Variants in AGK observed in about 807,000 individuals in gnomAD.
The protein encoded by AGK is acylglycerol kinase, mitochondrial.
In AGK, 52 loss-of-function variants were observed where a neutral mutation model predicts 66.4. The ratio of observed to expected loss-of-function variants is 0.78; its 90% CI spans 0.63 to 0.99. AGK has a LOEUF of 0.99. AGK is among the 50% of genes least tolerant of loss of function. The pLI is 0.00. For missense variants in AGK, 451 were observed against 506.6 expected (o/e 0.89, Z 1.05); for synonymous variants, 182 against 181.1 (o/e 1.00, Z -0.04).
At chr7:141,630,184 A>G (rs1797026017) in intron 9 of AGK, among the ~76,000 whole-genome samples, 1 of 152,206 alleles carries the variant, frequency 6.6e-6, no homozygotes, top group South Asian at 2.1e-4. Context: ...TGCTAAAGAC[A>G]TATACTGTTA....
chr7:141,579,421 G>A (rs1795833276), intron 2 of AGK, among the ~76,000 whole-genome samples: 1 of 144,796 alleles, frequency 6.9e-6, no homozygotes, highest in Admixed American at 6.9e-5. Context: ...AGGCCAAACC[G>A]AGGAATTAAG....
chr7:141,638,675 CA>C (rs1379389292), intron 11 of AGK, among the ~76,000 whole-genome samples: 1 of 152,006 alleles, frequency 6.6e-6, no homozygotes, highest in Non-Finnish European at 1.5e-5. Context: ...GTTAGAACCT[CA>C]AAAGTCAGAA....
At position 141,649,337 on chromosome 7, in the gene AGK, A is replaced by G. The variant is rs1021567850; in HGVS notation, c.1046+4A>G. 1.2e-6 allele frequency: 2 copies of G among 1,605,830 alleles called. No homozygotes were observed. Among genetic ancestry groups the G allele is most frequent in the Non-Finnish European group, 8.5e-7 (1 of 1,172,966 alleles). ...AAGGAGACTTTATAACTATAGGGTAAGTGGACTGGGGTTCACAGGAAATGA... is the reference window on the plus strand; with the variant it reads ...AAGGAGACTTTATAACTATAGGGTAGGTGGACTGGGGTTCACAGGAAATGA... On this transcript the variant is annotated splice_donor_region_variant and intron_variant, in intron 14 of 15. Transcript: ENST00000649286.
intron 11 of AGK, among the ~76,000 whole-genome samples, chr7:141,637,771 TATAAA>T (rs1797205432): frequency 6.6e-6 from 1 of 152,210 alleles, no homozygotes. Context: ...TTTTTCTAAT[TATAAA>T]AGTAATACAT....
At chr7:141,622,535 G>A (rs954057418) in intron 9 of AGK, among the ~76,000 whole-genome samples, 5 of 152,024 alleles carry the variant, frequency 3.3e-5, no homozygotes, top group Admixed American at 1.3e-4. Flanking sequence ...ATCTGCTATC[G>A]GTGATCTTTG....
chr7:141,570,627 C>CTT (rs768438918), intron 2 of AGK, among the ~76,000 whole-genome samples: 2 of 144,504 alleles, frequency 1.4e-5, no homozygotes, highest in African/African-American at 2.5e-5. Context: ...ATGTCCTCTA[C>CTT]TTTTTTTTTT....
intron 14 of AGK, among the ~76,000 whole-genome samples, 180 bp downstream of exon 14, chr7:141,649,513 C>T (rs1223430241): frequency 6.6e-6 from 1 of 152,226 alleles, no homozygotes; most frequent in African/African-American, 2.4e-5. Flanking sequence ...TGCTGGCCAT[C>T]ACTGTTCATT....
intron 6 of AGK, 27 bp from the exon 7 acceptor site, chr7:141,614,118 TA>T: frequency 6.8e-7 from 1 of 1,461,948 alleles, no homozygotes; most frequent in Non-Finnish European, 9.5e-7. Flanking sequence ...ATATTATTTA[TA>T]ACAATGTTTT....
chr7:141,572,811 G>T lies in AGK; in HGVS notation c.101+17244G>T, dbSNP rs548832627. Among the ~76,000 whole-genome samples the T allele has an allele frequency of 2.0e-5, 3 of 152,180 alleles. No homozygotes were observed. In the South Asian group the frequency reaches 6.2e-4, roughly 32 times the overall value. ...GAAACCCCGACAGGCTATGGGGGGG[G>T]GAAATGTGTTGGATGCCGGGGTAAA... On this transcript the variant is annotated intron_variant, in intron 2 of 15. Coordinates refer to ENST00000649286, the MANE Select transcript of AGK (RefSeq NM_018238.4).
chr7:141,641,916 T>A lies in AGK; in HGVS notation c.975+8T>A, dbSNP rs1308511809. On this transcript the variant is annotated splice_region_variant and intron_variant, in intron 13 of 15. Coordinates refer to ENST00000649286, the MANE Select transcript of AGK (RefSeq NM_018238.4). ...AATCAGCTTGACCCGACAGTAAGTG[T>A]GCTTTTTTATTAGAAAAGCATTTGG... 1 of 1,567,374 alleles carries A rather than the reference T, an allele frequency of 6.4e-7. No individual in the cohort carries two copies. The highest frequency in any genetic ancestry group is 8.7e-7 in the Non-Finnish European group (1 of 1,154,320).
Position 141,651,611 on chromosome 7 carries a change from T to C in AGK, c.1131+2T>C, listed in dbSNP as rs1797560612. ...CAGTGCACTTTGCTTATCCCGGAGGTGAGTGGGGAAGGGGTCGGTAGTCAC... is the reference window on the plus strand; with the variant it reads ...CAGTGCACTTTGCTTATCCCGGAGGCGAGTGGGGAAGGGGTCGGTAGTCAC... On this transcript the variant is annotated splice_donor_variant, in intron 15 of 15. Transcript: ENST00000649286. LOFTEE classifies it high-confidence loss of function. The C allele has an allele frequency of 6.2e-7, 1 of 1,613,950 alleles. No homozygotes were observed. The highest frequency in any genetic ancestry group is 8.5e-7 in the Non-Finnish European group (1 of 1,179,900).
intron 2 of AGK, among the ~76,000 whole-genome samples, chr7:141,585,292 C>T (rs76443621): frequency 0.045 from 6,847 of 152,122 alleles, 225 homozygotes; most frequent in Admixed American, 0.069. Context: ...GTAGGGAGTC[C>T]GGGAAATGGG....
At chr7:141,624,580 G>A (rs1796895832) in intron 9 of AGK, among the ~76,000 whole-genome samples, 2 of 152,298 alleles carry the variant, frequency 1.3e-5, no homozygotes, top group South Asian at 4.2e-4. Flanking sequence ...GGAAGGAACT[G>A]CAGATGTAGT....
At chr7:141,576,866 C>T (rs554350351) in intron 2 of AGK, among the ~76,000 whole-genome samples, 169 of 151,840 alleles carry the variant, frequency 1.1e-3, no homozygotes, top group Non-Finnish European at 1.7e-3. Context: ...GGTGAAACCC[C>T]GTCTCTACTA....
chr7:141,581,234 G>A lies in AGK; in HGVS notation c.102-11912G>A, dbSNP rs560751817. Among the ~76,000 whole-genome samples the A allele has an allele frequency of 4.6e-5, 7 of 152,072 alleles. No individual in the cohort carries two copies. In the South Asian group the frequency reaches 1.2e-3, roughly 27 times the overall value. ...CCAGGTAATTTGCTGGGCCTGATGGGTGTCAGGGTCAGTCCAAGTGAAAGC... is the reference window on the plus strand; with the variant it reads ...CCAGGTAATTTGCTGGGCCTGATGGATGTCAGGGTCAGTCCAAGTGAAAGC... On this transcript the variant is annotated intron_variant, in intron 2 of 15. Transcript: ENST00000649286.
At chr7:141,577,460 AC>A (rs1795770231) in intron 2 of AGK, among the ~76,000 whole-genome samples, 2 of 152,362 alleles carry the variant, frequency 1.3e-5, no homozygotes, top group South Asian at 4.1e-4. Context: ...TCAGCTAAAG[AC>A]AGGGTCCTTG....
intron 2 of AGK, among the ~76,000 whole-genome samples, chr7:141,580,798 G>A (rs11765211): frequency 0.37 from 55,683 of 151,734 alleles, 11,463 homozygotes; most frequent in East Asian, 0.54. Flanking sequence ...TAAGAATTTC[G>A]ACCGCACAGC....
At chr7:141,562,003 G>A (rs925186853) in intron 2 of AGK, 15 of 455,608 alleles carry the variant, frequency 3.3e-5, no homozygotes, top group African/African-American at 3.0e-4. Context: ...AAAGAGTCCT[G>A]TGATGTAATC....
Position 141,572,807 on chromosome 7 carries a change from G to GGGGC in AGK, c.101+17243_101+17244insCGGG, listed in dbSNP as rs1562961480. 1.2e-4 allele frequency among the ~76,000 whole-genome samples: 19 copies of GGGGC among 152,268 alleles called. No homozygotes were observed. In the East Asian group the frequency reaches 2.9e-3, roughly 23 times the overall value. On this transcript the variant is annotated intron_variant, in intron 2 of 15. Coordinates refer to ENST00000649286, the MANE Select transcript of AGK (RefSeq NM_018238.4). ...GTTTGAAACCCCGACAGGCTATGGG[G>GGGGC]GGGGGAAATGTGTTGGATGCCGGGG...
Sources: gnomAD v4.1 joint callset for allele counts (sites outside exome capture counted in the v4.1 genomes callset) on GRCh38, gnomAD v4.1.1 for gene constraint, MANE v1.5 for transcripts, NCBI Gene and HGNC (gene_info 2026-07-23, HGNC 2026-07-21) for gene names.